The following CSMD1 variants were observed in gnomAD, a reference collection of about 807,000 sequenced individuals.
CSMD1 encodes CUB and Sushi multiple domains 1.
A neutral mutation model predicts 417.5 loss-of-function variants in CSMD1; 213 were observed. That is an observed-to-expected ratio of 0.51 (90% CI 0.46 to 0.57). The LOEUF (loss-of-function observed/expected upper bound fraction) is 0.57. Among genes scored for constraint, CSMD1 ranks in the 20% least tolerant of loss-of-function variants. The pLI is 0.00. For missense variants in CSMD1, 6,923 were observed against 4,529.7 expected (o/e 1.53, Z -15.17); for synonymous variants, 2,862 against 1,736.8 (o/e 1.65, Z -16.11).
chr8:3,242,238 A>G (rs1021524081), intron 26 of CSMD1, among the ~76,000 whole-genome samples: 3 of 151,762 alleles, frequency 2.0e-5, no homozygotes, highest in East Asian at 1.9e-4. Flanking sequence ...TAAAAGGATT[A>G]TAGAGTGGAG....
intron 20 of CSMD1, 78 bp downstream of exon 20, chr8:3,366,954 A>ACC (rs1809614093): frequency 1.4e-5 from 15 of 1,090,970 alleles, no homozygotes; most frequent in East Asian, 2.5e-5. Context: ...ACACACACAC[A>ACC]CACCCACACA....
At chr8:4,547,095 C>T (rs1322462646) in intron 2 of CSMD1, among the ~76,000 whole-genome samples, 1 of 152,136 alleles carries the variant, frequency 6.6e-6, no homozygotes, top group East Asian at 1.9e-4. Context: ...TCATAGTCAC[C>T]TAAAATTCAA....
At chr8:3,862,438 A>G (rs548470645) in intron 5 of CSMD1, among the ~76,000 whole-genome samples, 33 of 152,296 alleles carry the variant, frequency 2.2e-4, no homozygotes, top group East Asian at 1.4e-3. Context: ...TTCTCCTGGA[A>G]TAAGTGTTCC....
chr8:3,258,909 T>C (rs981450815), intron 26 of CSMD1, among the ~76,000 whole-genome samples: 2 of 151,954 alleles, frequency 1.3e-5, no homozygotes, highest in African/African-American at 2.4e-5. Context: ...CATGGACACA[T>C]AAAGGGGAAC....
At chr8:3,372,936 G>A (rs553199138) in intron 18 of CSMD1, among the ~76,000 whole-genome samples, 10 of 152,226 alleles carry the variant, frequency 6.6e-5, no homozygotes, top group South Asian at 4.1e-4. Context: ...GAGGAGTCCC[G>A]AATTCAGAAG....
chr8:4,770,578 T>C (rs1179696129), intron 1 of CSMD1, among the ~76,000 whole-genome samples: 2 of 151,920 alleles, frequency 1.3e-5, no homozygotes, highest in Non-Finnish European at 2.9e-5. Flanking sequence ...TACAAAGTTA[T>C]AGTAATCAAA....
chr8:3,888,572 G>A (rs902529644), intron 5 of CSMD1, among the ~76,000 whole-genome samples: 3 of 152,160 alleles, frequency 2.0e-5, no homozygotes, highest in Admixed American at 6.5e-5. Flanking sequence ...GCTGGAGAAA[G>A]CTGAGCTAAT....
At chr8:4,402,387 T>G (rs1248623335) in intron 3 of CSMD1, among the ~76,000 whole-genome samples, 3 of 152,132 alleles carry the variant, frequency 2.0e-5, no homozygotes, top group Non-Finnish European at 2.9e-5. Flanking sequence ...TCTCTGGCTC[T>G]GACCTCTCCG....
Position 3,664,265 on chromosome 8 carries a change from TGA to T in CSMD1, c.1009+44147_1009+44148del, listed in dbSNP as rs527241970. Among the ~76,000 whole-genome samples, 618 of 152,282 alleles carry T rather than the reference TGA, an allele frequency of 4.1e-3. 4 individuals are homozygous for T. The highest frequency in any genetic ancestry group is 0.013 in the African/African-American group (551 of 41,572). ...GTTCTCATTGTTCAATTCCCACCTA[TGA>T]GAGAGAACATGCGGTGTTTGGTTTT... is the stretch of plus-strand genomic sequence containing the variant. On this transcript the variant is annotated intron_variant, in intron 7 of 69. Coordinates refer to ENST00000635120, the MANE Select transcript of CSMD1 (RefSeq NM_033225.6).
intron 5 of CSMD1, among the ~76,000 whole-genome samples, chr8:3,949,016 T>C (rs1811428063): frequency 6.6e-6 from 1 of 152,200 alleles, no homozygotes; most frequent in Non-Finnish European, 1.5e-5. Context: ...GTATTAAATC[T>C]GAACTAGAAT....
intron 1 of CSMD1, among the ~76,000 whole-genome samples, chr8:4,912,877 C>T (rs888259475): frequency 1.3e-5 from 2 of 152,122 alleles, no homozygotes; most frequent in Non-Finnish European, 2.9e-5. Context: ...CCTCCACCTC[C>T]TGGGTTCAAG....
chr8:3,466,432 T>C (rs756809853), intron 12 of CSMD1, among the ~76,000 whole-genome samples: 40 of 152,110 alleles, frequency 2.6e-4, no homozygotes, highest in Non-Finnish European at 4.9e-4. Context: ...TTTTTTAAGA[T>C]GGAGTCTCAC....
chr8:4,434,062 A>T (rs143815042), intron 2 of CSMD1, among the ~76,000 whole-genome samples: 5 of 152,258 alleles, frequency 3.3e-5, no homozygotes, highest in African/African-American at 1.2e-4. Context: ...TAGGGGCTGG[A>T]CATTGGGACT....
chr8:3,224,302 A>C (rs757556710), intron 27 of CSMD1, among the ~76,000 whole-genome samples: 12 of 152,236 alleles, frequency 7.9e-5, no homozygotes, highest in Non-Finnish European at 5.9e-5. Context: ...ACAGTTTATA[A>C]AATCATTGCC....
intron 25 of CSMD1, among the ~76,000 whole-genome samples, chr8:3,293,525 CT>C (rs987843350): frequency 1.4e-4 from 22 of 152,182 alleles, no homozygotes; most frequent in South Asian, 2.1e-4. Flanking sequence ...TTGTTTGTTT[CT>C]TTTTATTCTT....
At chr8:4,957,449 G>C (rs188923544) in intron 1 of CSMD1, among the ~76,000 whole-genome samples, 93 of 152,262 alleles carry the variant, frequency 6.1e-4, no homozygotes, top group Middle Eastern at 3.4e-3. Flanking sequence ...TCTTCTTTTT[G>C]CCTAAGTTCT....
chr8:4,986,317 A>G (rs1563935968), intron 1 of CSMD1, among the ~76,000 whole-genome samples: 1 of 152,196 alleles, frequency 6.6e-6, no homozygotes. Context: ...AGTCCCCGAC[A>G]TCCTTTACAG....
intron 3 of CSMD1, among the ~76,000 whole-genome samples, chr8:4,331,381 C>T (rs559335347): frequency 1.3e-5 from 2 of 152,130 alleles, no homozygotes; most frequent in South Asian, 2.1e-4. Flanking sequence ...GTGTTTGTTG[C>T]GAGGTGTCTA....
chr8:4,172,765 T>C (rs960734543), intron 3 of CSMD1, among the ~76,000 whole-genome samples: 1 of 152,154 alleles, frequency 6.6e-6, no homozygotes, highest in Non-Finnish European at 1.5e-5. Flanking sequence ...ACCTCTTTCT[T>C]GGATCCCTTA....
Sources: allele counts gnomAD v4.1 joint callset (sites outside exome capture counted in the v4.1 genomes callset), GRCh38; gene constraint gnomAD v4.1.1; transcripts MANE v1.5; gene names NCBI Gene and HGNC (gene_info 2026-07-23, HGNC 2026-07-21).